The following CMTM4 variants were observed in gnomAD, a reference collection of about 807,000 sequenced individuals.
The protein encoded by CMTM4 is CKLF like MARVEL transmembrane domain containing 4, also known as CKLF-like MARVEL transmembrane domain-containing protein 4.
Under a neutral mutation model 19.0 loss-of-function variants are expected in CMTM4, and 8 were observed. The observed-to-expected ratio is 0.42, with a 90% CI of 0.25 to 0.76. The LOEUF (loss-of-function observed/expected upper bound fraction) is 0.76, where lower values mean the gene tolerates loss of function less well. Among genes scored for constraint, CMTM4 ranks in the 30% least tolerant of loss-of-function variants. The pLI, the probability that CMTM4 is intolerant of heterozygous loss-of-function variation, is 0.27. For synonymous variants in CMTM4, 106 were observed against 121.1 expected, an observed-to-expected ratio of 0.88 and a Z score of 0.82; for missense variants, 228 against 290.2, an observed-to-expected ratio of 0.79 and a Z score of 1.56.
At chr16:66,645,358 T>C (rs1029305358) in intron 1 of CMTM4, among the ~76,000 whole-genome samples, 3 of 150,232 alleles carry the variant, frequency 2.0e-5, no homozygotes, top group South Asian at 4.2e-4. Context: ...GGCGGGTGGA[T>C]CATGAGGTCA....
intron 1 of CMTM4, among the ~76,000 whole-genome samples, chr16:66,669,425 T>C (rs1044829596): frequency 4.8e-5 from 7 of 147,090 alleles, no homozygotes; most frequent in Non-Finnish European, 7.4e-5. Flanking sequence ...CTAAAACTCA[T>C]AGTACTGTAC....
intron 1 of CMTM4, among the ~76,000 whole-genome samples, chr16:66,695,146 A>C (rs1377424188): frequency 6.6e-6 from 1 of 152,200 alleles, no homozygotes; most frequent in Non-Finnish European, 1.5e-5. Flanking sequence ...CAGTAGTTGG[A>C]GACCAGTCTG....
intron 1 of CMTM4, among the ~76,000 whole-genome samples, chr16:66,656,527 C>A (rs2016400235): frequency 6.6e-6 from 1 of 151,828 alleles, no homozygotes; most frequent in Non-Finnish European, 1.5e-5. Context: ...CAGAACCCAG[C>A]TAATTTTTTA....
In CMTM4 at chr16:66,619,935, A is replaced by C; in HGVS notation, c.*2123T>G. ...CATTCATCTGCATTTAGTTTCAGTGACTTCAGAACTATTTCTTGCAGCTGA... is the reference window on the plus strand; with the variant it reads ...CATTCATCTGCATTTAGTTTCAGTGCCTTCAGAACTATTTCTTGCAGCTGA... On this transcript the variant is annotated 3_prime_UTR_variant, in exon 4 of 4. Coordinates refer to ENST00000394106, the MANE Select transcript of CMTM4 (RefSeq NM_181521.3). 1 of 985,358 alleles carries C rather than the reference A, an allele frequency of 1.0e-6. No individual in the cohort carries two copies. The highest frequency in any genetic ancestry group is 1.2e-6 in the Non-Finnish European group (1 of 829,926). The allele number at this position is 985,358 out of a possible 1,614,324, so 61.0% of individuals were successfully genotyped here. A position where few individuals can be genotyped will look rare whatever the true frequency, so the allele number is the denominator to read the frequency against.
At chr16:66,643,026 T>C (rs1371877867) in intron 1 of CMTM4, among the ~76,000 whole-genome samples, 2 of 152,148 alleles carry the variant, frequency 1.3e-5, no homozygotes, top group South Asian at 2.1e-4. Flanking sequence ...GTTCAAGTGA[T>C]TGTCCTGCTT....
At chr16:66,599,156 G>A in the CMTM4 span, among the ~76,000 whole-genome samples, 4 of 152,094 alleles carry the variant, frequency 2.6e-5, no homozygotes, top group Middle Eastern at 6.8e-3. Flanking sequence ...CAGCTCTGGT[G>A]ATGCACACCT....
chr16:66,600,529 C>T, the CMTM4 span, among the ~76,000 whole-genome samples: 172 of 152,142 alleles, frequency 1.1e-3, no homozygotes, highest in African/African-American at 3.8e-3. Context: ...GGGAATTGTC[C>T]GTAAAATCCA....
At chr16:66,678,400 T>C (rs961647102) in intron 1 of CMTM4, among the ~76,000 whole-genome samples, 6 of 152,146 alleles carry the variant, frequency 3.9e-5, no homozygotes, top group Non-Finnish European at 8.8e-5. Context: ...TCTCGCCACA[T>C]AGTCCCCATT....
At chr16:66,664,378 A>G (rs966577909) in intron 1 of CMTM4, among the ~76,000 whole-genome samples, 2 of 151,892 alleles carry the variant, frequency 1.3e-5, no homozygotes, top group African/African-American at 4.8e-5. Flanking sequence ...TAGTGAAAGA[A>G]AAGCAACAGA....
rs1465421062 is a variant in CMTM4, at chr16:66,621,156, G to A, written c.*902C>T. 2 of 985,644 alleles carry A rather than the reference G, an allele frequency of 2.0e-6. No individual in the cohort carries two copies. The highest frequency in any genetic ancestry group is 3.5e-5 in the African/African-American group (2 of 57,254). 61.1% of individuals were successfully genotyped at this position (985,644 alleles called of 1,614,324 possible). On this transcript the variant is annotated 3_prime_UTR_variant, in exon 4 of 4. Coordinates refer to ENST00000394106, the MANE Select transcript of CMTM4 (RefSeq NM_181521.3). ...CCCTAAAATAGAGGGGTGTGTGTGT[G>A]CATGTGTGCGCGCACGCGTGTGCAT...
chr16:66,600,133 T>C, the CMTM4 span, among the ~76,000 whole-genome samples: 1 of 140,570 alleles, frequency 7.1e-6, no homozygotes, highest in Non-Finnish European at 1.5e-5. Context: ...TGTGTGTGTG[T>C]GTGTTTTTTT....
At chr16:66,676,930 T>A (rs2016819471) in intron 1 of CMTM4, among the ~76,000 whole-genome samples, 1 of 152,194 alleles carries the variant, frequency 6.6e-6, no homozygotes, top group Non-Finnish European at 1.5e-5. Context: ...TAGTGCTTCA[T>A]CGCAGGACAC....
chr16:66,689,981 G>A (rs370508804), intron 1 of CMTM4, among the ~76,000 whole-genome samples: 1 of 152,038 alleles, frequency 6.6e-6, no homozygotes, highest in African/African-American at 2.4e-5. Context: ...TTTTGAGATC[G>A]TGGATTATAA....
intron 1 of CMTM4, among the ~76,000 whole-genome samples, chr16:66,675,156 C>T (rs1213978137): frequency 6.6e-6 from 1 of 151,622 alleles, no homozygotes; most frequent in East Asian, 1.9e-4. Context: ...TCTCAGCTCA[C>T]TGCAACCTCT....
chr16:66,621,261 G>C lies in CMTM4; in HGVS notation c.*797C>G. On this transcript the variant is annotated 3_prime_UTR_variant, in exon 4 of 4. Coordinates refer to ENST00000394106, the MANE Select transcript of CMTM4 (RefSeq NM_181521.3). Reference sequence around the variant, plus strand: ...GCAAGTGCTTTGGCTGGTGGAGTAGGCTTGTTTCTTTCATGGCTTTTACCT... The same window carrying C: ...GCAAGTGCTTTGGCTGGTGGAGTAGCCTTGTTTCTTTCATGGCTTTTACCT... 1.0e-6 allele frequency: 1 copy of C among 985,488 alleles called. No homozygotes were observed. Among genetic ancestry groups the C allele is most frequent in the Non-Finnish European group, 1.2e-6 (1 of 829,932 alleles). 61.0% of individuals were successfully genotyped at this position (985,488 alleles called of 1,614,324 possible). A position where few individuals can be genotyped will look rare whatever the true frequency, so the allele number is the denominator to read the frequency against.
chr16:66,652,340 C>T (rs1045792815), intron 1 of CMTM4, among the ~76,000 whole-genome samples: 1 of 152,168 alleles, frequency 6.6e-6, no homozygotes, highest in Non-Finnish European at 1.5e-5. Flanking sequence ...ACCGCAGACC[C>T]CTGAAGGCAC....
At chr16:66,671,903 C>T (rs1266998673) in intron 1 of CMTM4, among the ~76,000 whole-genome samples, 1 of 151,952 alleles carries the variant, frequency 6.6e-6, no homozygotes, top group African/African-American at 2.4e-5. Flanking sequence ...TGGTGGCACA[C>T]ACCTGTGGTC....
intron 1 of CMTM4, among the ~76,000 whole-genome samples, chr16:66,685,047 G>C (rs1055222142): frequency 2.0e-5 from 3 of 152,146 alleles, no homozygotes; most frequent in African/African-American, 7.2e-5. Context: ...AAAAATATCA[G>C]GGTATATTGT....
In CMTM4 at chr16:66,690,585, T is replaced by A. The variant is rs141789846; in HGVS notation, c.186+5755A>T. Among the ~76,000 whole-genome samples, 1,420 of 152,264 alleles carry A rather than the reference T, an allele frequency of 9.3e-3. 14 individuals carry two copies. Among genetic ancestry groups the A allele is most frequent in the Non-Finnish European group, 0.012 (836 of 68,000 alleles). The stretch of plus-strand genomic sequence containing the variant: ...CTGACTGGCTTGAGATTTAAAAAAC[T>A]AACAAGGTTTCCACCAAATAAAAGA... On this transcript the variant is annotated intron_variant, in intron 1 of 3. Coordinates refer to ENST00000394106, the MANE Select transcript of CMTM4 (RefSeq NM_181521.3).
Sources: allele counts gnomAD v4.1 joint callset (sites outside exome capture counted in the v4.1 genomes callset), GRCh38; gene constraint gnomAD v4.1.1; transcripts MANE v1.5; gene names NCBI Gene and HGNC (gene_info 2026-07-23, HGNC 2026-07-21).